The following STAT5B variants were observed in gnomAD, a reference collection of about 807,000 sequenced individuals.
The protein encoded by STAT5B is signal transducer and activator of transcription 5B.
A neutral mutation model predicts 107.8 loss-of-function variants in STAT5B; 21 were observed. That is an observed-to-expected ratio of 0.19 (90% CI 0.14 to 0.28). The LOEUF (loss-of-function observed/expected upper bound fraction) is 0.28. STAT5B is among the 10% of genes least tolerant of loss of function. The pLI is 1.00. For synonymous variants in STAT5B, 325 were observed against 401.7 expected (o/e 0.81, Z 2.28); for missense variants, 565 against 1,008.2 (o/e 0.56, Z 5.95).
At chr17:42,214,933 T>A (rs2080158932) in intron 12 of STAT5B, among the ~76,000 whole-genome samples, 1 of 152,064 alleles carries the variant, frequency 6.6e-6, no homozygotes, top group Non-Finnish European at 1.5e-5. Context: ...TGGTATTTTT[T>A]GTAGAGACAG....
intron 5 of STAT5B, among the ~76,000 whole-genome samples, chr17:42,221,912 T>C (rs183241463): frequency 2.7e-5 from 4 of 150,548 alleles, no homozygotes; most frequent in East Asian, 3.9e-4. Flanking sequence ...TGTGTGTGTG[T>C]GTGCTGTGTG....
upstream of STAT5B, among the ~76,000 whole-genome samples, chr17:42,280,639 C>A (rs760300868): frequency 6.6e-5 from 10 of 152,106 alleles, no homozygotes; most frequent in Non-Finnish European, 1.2e-4. Flanking sequence ...AGTACAGGAC[C>A]CTGGAGCCAT....
chr17:42,256,816 T>C (rs1463377247), intron 1 of STAT5B, among the ~76,000 whole-genome samples: 2 of 132,464 alleles, frequency 1.5e-5, no homozygotes, highest in East Asian at 4.3e-4. Context: ...GAACGGAGAT[T>C]GCGCCACTGC....
In STAT5B at chr17:42,223,422, C is replaced by T. The variant is rs1399128151; in HGVS notation, c.510G>A (p.Glu170=). The T allele has an allele frequency of 1.9e-6, 3 of 1,614,192 alleles. No individual in the cohort carries two copies. The highest frequency in any genetic ancestry group is 1.1e-5 in the South Asian group (1 of 91,082). ...TCTCCTGGTACTGGATGATGAAGTACTCCTGAGTCTGCTGCAGCTTTTTTA... is the reference window on the plus strand; with the variant it reads ...TCTCCTGGTACTGGATGATGAAGTATTCCTGAGTCTGCTGCAGCTTTTTTA... ...NELKKLQQTQ[E]YFIIQYQESL... is the part of the protein sequence containing the mutation. The change falls in exon 5 of 19, where the codon GAG becomes GAA. Residue 170 remains glutamate, a synonymous_variant. Transcript: ENST00000293328.
rs1477045479 is a variant in STAT5B, at chr17:42,200,084, T to C, written c.*1654A>G. 1.3e-5 allele frequency: 2 copies of C among 152,678 alleles called. No individual in the cohort carries two copies. The highest frequency in any genetic ancestry group is 2.9e-5 in the Non-Finnish European group (2 of 68,028). 9.5% of individuals were successfully genotyped at this position (152,678 alleles called of 1,614,324 possible). A position where few individuals can be genotyped will look rare whatever the true frequency, so the allele number is the denominator to read the frequency against. ...GGCAGAGAGACTCTACTGCCTGGCATAGAAAAATAAATCAGTGTATGAAAC... is the reference window on the plus strand; with the variant it reads ...GGCAGAGAGACTCTACTGCCTGGCACAGAAAAATAAATCAGTGTATGAAAC... On this transcript the variant is annotated 3_prime_UTR_variant, in exon 19 of 19. Transcript: ENST00000293328.
chr17:42,230,722 G>A (rs1198441502), intron 2 of STAT5B, among the ~76,000 whole-genome samples: 1 of 151,666 alleles, frequency 6.6e-6, no homozygotes, highest in Non-Finnish European at 1.5e-5. Context: ...GTGCAGTAGT[G>A]CGATCTCGGC....
intron 1 of STAT5B, among the ~76,000 whole-genome samples, chr17:42,239,978 A>G (rs2080389135): frequency 6.6e-6 from 1 of 152,114 alleles, no homozygotes; most frequent in Admixed American, 6.5e-5. Flanking sequence ...ATTAAAAAAG[A>G]AAAAAATGAG....
intron 15 of STAT5B, among the ~76,000 whole-genome samples, chr17:42,209,062 T>A (rs1287368145): frequency 7.8e-6 from 1 of 128,470 alleles, no homozygotes; most frequent in Non-Finnish European, 1.6e-5. Context: ...AGAGACAGGG[T>A]CTTACTCTGT....
chr17:42,215,999 G>A lies in STAT5B; in HGVS notation c.1473+15C>T, dbSNP rs199780487. On this transcript the variant is annotated intron_variant, in intron 12 of 18. Coordinates refer to ENST00000293328, the MANE Select transcript of STAT5B (RefSeq NM_012448.4). The stretch of plus-strand genomic sequence containing the variant: ...CATTGATTTTGGGACCCACATGCCC[G>A]AGGAATACACTCACAGGCTCTGCAA... 1.6e-5 allele frequency: 26 copies of A among 1,613,336 alleles called. No homozygotes were observed. The highest frequency in any genetic ancestry group is 6.7e-5 in the Admixed American group (4 of 59,950).
the STAT5B span, among the ~76,000 whole-genome samples, chr17:42,283,174 AAGG>A: frequency 2.0e-5 from 3 of 152,158 alleles, no homozygotes; most frequent in African/African-American, 7.2e-5. Context: ...GTTGGGCTGG[AAGG>A]AGGAGAAACT....
At chr17:42,265,395 G>GTTTTTTTTTTTTT (rs1567678433) in intron 1 of STAT5B, among the ~76,000 whole-genome samples, 5 of 69,968 alleles carry the variant, frequency 7.1e-5, no homozygotes, top group African/African-American at 3.8e-4. Context: ...TTTTTGAGAC[G>GTTTTTTTTTTTTT]AAGTCTCGCT....
chr17:42,210,643 C>T (rs2080120609), intron 13 of STAT5B, 146 bp from the exon 14 acceptor site: 1 of 771,452 alleles, frequency 1.3e-6, no homozygotes, highest in Non-Finnish European at 2.2e-6. Context: ...TGAGTTTTAC[C>T]TAATGGCCCC....
intron 12 of STAT5B, among the ~76,000 whole-genome samples, chr17:42,212,503 T>C (rs1163756833): frequency 1.3e-5 from 2 of 152,228 alleles, no homozygotes; most frequent in South Asian, 2.1e-4. Flanking sequence ...GGCTCTTAGA[T>C]TGTAAACACC....
intron 15 of STAT5B, among the ~76,000 whole-genome samples, chr17:42,208,482 AC>A (rs753240876): frequency 4.6e-5 from 7 of 151,654 alleles, no homozygotes; most frequent in Middle Eastern, 3.4e-3. Flanking sequence ...GGTGACAGAG[AC>A]CCCATCTCAA....
rs768829495 is a variant in STAT5B at position 42,219,289 on chromosome 17, C to T, written c.833+23G>A. 37 of 1,584,964 alleles carry T rather than the reference C, an allele frequency of 2.3e-5. No homozygotes were observed. The African/African-American group carries it at 3.6e-4, about 16-fold the overall frequency. On this transcript the variant is annotated intron_variant, in intron 7 of 18. Transcript: ENST00000293328. The stretch of plus-strand genomic sequence containing the variant: ...CCCCACCAGCCCCTCCTGCCCTGCC[C>T]GCTGGCCGCCCCACACCATTACCAG...
intron 4 of STAT5B, 65 bp downstream of exon 4, chr17:42,224,714 G>T: frequency 6.5e-7 from 1 of 1,527,298 alleles, no homozygotes; most frequent in Non-Finnish European, 9.0e-7. Context: ...ACAAAGGTGG[G>T]TCCAGAGGGA....
At chr17:42,250,923 CAAA>C (rs562263374) in intron 1 of STAT5B, among the ~76,000 whole-genome samples, 6 of 59,148 alleles carry the variant, frequency 1.0e-4, no homozygotes, top group African/African-American at 1.3e-4. Flanking sequence ...AACTCTGTCT[CAAA>C]AAAAAAAAAA....
chr17:42,211,886 T>C, intron 13 of STAT5B, 98 bp downstream of exon 13: 1 of 1,522,556 alleles, frequency 6.6e-7, no homozygotes, highest in Non-Finnish European at 8.9e-7. Flanking sequence ...TACATTTTAT[T>C]AGAGACATGA....
At chr17:42,288,091 CG>C in the STAT5B span, 1 of 152,206 alleles carries the variant, frequency 6.6e-6, no homozygotes, top group Non-Finnish European at 1.5e-5. The surrounding 1 kb of genome is among the most constrained non-coding windows in gnomAD (Gnocchi z 4.8). Flanking sequence ...AGCTGGAAGG[CG>C]TCGCCAATTG....
Sources: allele counts gnomAD v4.1 joint callset (sites outside exome capture counted in the v4.1 genomes callset), GRCh38; gene constraint gnomAD v4.1.1; non-coding constraint Gnocchi (gnomAD v3.1); transcripts MANE v1.5; gene names NCBI Gene and HGNC (gene_info 2026-07-23, HGNC 2026-07-21).